The following CCSER1 variants were observed in gnomAD, a reference collection of about 807,000 sequenced individuals.
The protein encoded by CCSER1 is coiled-coil serine rich protein 1, also known as serine-rich coiled-coil domain-containing protein 1.
A neutral mutation model predicts 82.0 loss-of-function variants in CCSER1; 41 were observed. That is an observed-to-expected ratio of 0.50 (90% confidence interval 0.39 to 0.65). CCSER1 has a LOEUF of 0.65. Among genes scored for constraint, CCSER1 ranks in the 30% least tolerant of loss-of-function variants. The pLI is 0.00. For missense variants in CCSER1, 1,119 were observed against 1,064.2 expected, an observed-to-expected ratio of 1.05 and a Z score of -0.72; for synonymous variants, 414 against 383.9, an observed-to-expected ratio of 1.08 and a Z score of -0.92.
chr4:91,423,469 T>C (rs1473648234), intron 10 of CCSER1, among the ~76,000 whole-genome samples: 1 of 151,922 alleles, frequency 6.6e-6, no homozygotes, highest in East Asian at 1.9e-4. Context: ...AGAAAAAGAA[T>C]ATAAGCATAA....
chr4:90,595,779 T>C (rs1156665786), intron 5 of CCSER1, among the ~76,000 whole-genome samples: 2 of 151,946 alleles, frequency 1.3e-5, no homozygotes, highest in African/African-American at 4.8e-5. Context: ...AACTGAAACA[T>C]TCATTTTCAC....
intron 10 of CCSER1, among the ~76,000 whole-genome samples, chr4:91,147,292 C>A (rs1474244005): frequency 1.3e-5 from 2 of 152,202 alleles, no homozygotes; most frequent in Admixed American, 6.5e-5. Flanking sequence ...CCAGCTCATT[C>A]TCCCCCAATC....
intron 1 of CCSER1, among the ~76,000 whole-genome samples, chr4:90,277,716 TA>T (rs60268631): frequency 6.6e-6 from 1 of 150,968 alleles, no homozygotes; most frequent in South Asian, 2.1e-4. Flanking sequence ...GCCCTCAAAA[TA>T]AAAAAAAATC....
rs916998197 is a variant in CCSER1 at position 90,912,393 on chromosome 4, C to G, written c.2095-10977C>G. Reference sequence around the variant, plus strand: ...AAGGCAAACAGGGTCTGGAGTGGACCTCCAGCAAACTCAACAGACCTGCAG... The same window carrying G: ...AAGGCAAACAGGGTCTGGAGTGGACGTCCAGCAAACTCAACAGACCTGCAG... On this transcript the variant is annotated intron_variant, in intron 8 of 10. Coordinates refer to ENST00000509176, the MANE Select transcript of CCSER1 (RefSeq NM_001145065.2). Among the ~76,000 whole-genome samples, 9 of 152,294 alleles carry G rather than the reference C, an allele frequency of 5.9e-5. No homozygotes were observed. In the South Asian group the frequency reaches 6.2e-4, roughly 11 times the overall value.
At chr4:90,488,723 G>T (rs576314119) in intron 5 of CCSER1, among the ~76,000 whole-genome samples, 5 of 152,262 alleles carry the variant, frequency 3.3e-5, no homozygotes, top group Admixed American at 1.3e-4. Flanking sequence ...GTACAAAATA[G>T]AATGCTCGCT....
At chr4:90,878,195 TTACCA>T (rs1720646325) in intron 8 of CCSER1, among the ~76,000 whole-genome samples, 1 of 152,134 alleles carries the variant, frequency 6.6e-6, no homozygotes, top group African/African-American at 2.4e-5. Flanking sequence ...AGTCTAGGTG[TTACCA>T]TAACATAGAC....
At chr4:91,312,694 T>C (rs1471863840) in intron 10 of CCSER1, among the ~76,000 whole-genome samples, 2 of 151,956 alleles carry the variant, frequency 1.3e-5, no homozygotes, top group African/African-American at 4.8e-5. Flanking sequence ...GTTTAACTTG[T>C]CATCTAAATT....
intron 7 of CCSER1, among the ~76,000 whole-genome samples, 195 bp from the exon 8 acceptor site, chr4:90,815,567 A>T (rs1304889911): frequency 7.0e-6 from 1 of 143,494 alleles, no homozygotes; most frequent in Non-Finnish European, 1.6e-5. Flanking sequence ...TATGTGTAGC[A>T]TAAAAGCATT....
chr4:91,186,706 A>T (rs1734573504), intron 10 of CCSER1, among the ~76,000 whole-genome samples: 1 of 152,244 alleles, frequency 6.6e-6, no homozygotes, highest in Non-Finnish European at 1.5e-5. Flanking sequence ...TTCTATAGAT[A>T]TTAAATTAAC....
intron 4 of CCSER1, among the ~76,000 whole-genome samples, chr4:90,443,776 C>T (rs572820849): frequency 4.7e-4 from 72 of 151,880 alleles, no homozygotes; most frequent in African/African-American, 1.7e-3. Context: ...TTATTCAAAA[C>T]CAAATATACT....
intron 1 of CCSER1, among the ~76,000 whole-genome samples, chr4:90,202,263 T>C (rs10461167): frequency 0.61 from 91,759 of 151,208 alleles, 29,323 homozygotes; most frequent in East Asian, 0.83. Context: ...AGTGCAGTGG[T>C]GCTATCTTGG....
At chr4:90,780,492 T>C in intron 7 of CCSER1, 1 of 1,612,532 alleles carries the variant, frequency 6.2e-7, no homozygotes, top group Non-Finnish European at 8.5e-7. Context: ...AATTGAAGAT[T>C]GGGGTTCAGG....
rs572733260 is a variant in CCSER1 at position 90,297,705 on chromosome 4, G to C, written c.-41-10539G>C. On this transcript the variant is annotated intron_variant, in intron 1 of 10. Transcript: ENST00000509176. ...TTTATTGAGAGTTTTTAGCATGAAG[G>C]GTTGTTGAATTTTGTCAAAGGCCTT... Among the ~76,000 whole-genome samples the C allele has an allele frequency of 4.4e-3, 663 of 151,918 alleles. 2 individuals carry two copies. The highest frequency in any genetic ancestry group is 6.8e-3 in the Non-Finnish European group (461 of 67,980).
rs75289618 is a variant in CCSER1, at chr4:90,996,212, C to T, written c.2172+72765C>T. 5.9e-3 allele frequency among the ~76,000 whole-genome samples: 903 copies of T among 152,008 alleles called. 7 individuals carry two copies. The highest frequency in any genetic ancestry group is 0.013 in the African/African-American group (559 of 41,516). ...GCCAAATCTTGTTGTAGATGTGTGTCGTAGAAAGGTAGGCATTAGATATAA... is the reference window on the plus strand; with the variant it reads ...GCCAAATCTTGTTGTAGATGTGTGTTGTAGAAAGGTAGGCATTAGATATAA... On this transcript the variant is annotated intron_variant, in intron 9 of 10. Transcript: ENST00000509176.
intron 9 of CCSER1, among the ~76,000 whole-genome samples, chr4:90,991,751 AAC>A (rs1193491812): frequency 6.6e-6 from 1 of 152,000 alleles, no homozygotes; most frequent in Non-Finnish European, 1.5e-5. Context: ...CTTTTTAGGA[AAC>A]ACAATTCAAT....
intron 5 of CCSER1, among the ~76,000 whole-genome samples, chr4:90,595,482 C>T (rs1047179833): frequency 1.4e-5 from 2 of 141,348 alleles, no homozygotes; most frequent in African/African-American, 3.0e-5. Flanking sequence ...ATTTGAAATA[C>T]GATATGTTGG....
intron 9 of CCSER1, among the ~76,000 whole-genome samples, chr4:91,033,693 A>T (rs371807363): frequency 1.3e-5 from 2 of 152,294 alleles, no homozygotes; most frequent in South Asian, 4.1e-4. Context: ...CGGAGATGAG[A>T]TGAGCAATCT....
chr4:90,867,576 G>A (rs4693248), intron 8 of CCSER1, among the ~76,000 whole-genome samples: 94,358 of 151,638 alleles, frequency 0.62, 29,770 homozygotes, highest in African/African-American at 0.71. Flanking sequence ...TTTTTAAGTG[G>A]ACAATAAATT....
At chr4:90,204,249 G>A (rs972047174) in intron 1 of CCSER1, among the ~76,000 whole-genome samples, 5 of 152,178 alleles carry the variant, frequency 3.3e-5, no homozygotes, top group African/African-American at 1.2e-4. Flanking sequence ...TGGTGTTTCA[G>A]TCATGAAGTC....
Sources: gnomAD v4.1 joint callset for allele counts (sites outside exome capture counted in the v4.1 genomes callset) on GRCh38, gnomAD v4.1.1 for gene constraint, MANE v1.5 for transcripts, NCBI Gene and HGNC (gene_info 2026-07-23, HGNC 2026-07-21) for gene names.